Variants in CNBD1 observed in about 807,000 individuals in gnomAD.
CNBD1 encodes cyclic nucleotide binding domain containing 1.
A neutral mutation model predicts 54.4 loss-of-function variants in CNBD1; 71 were observed. The ratio of observed to expected loss-of-function variants is 1.30; its 90% CI spans 1.08 to 1.59. The LOEUF is 1.59. CNBD1 is among the 40% of genes most tolerant of loss of function. The probability of loss-of-function intolerance (pLI) is 0.00; values close to 1 mark genes in which losing one functional copy is unlikely to be tolerated. For missense variants in CNBD1, 659 were observed against 518.0 expected (o/e 1.27, Z -2.64); for synonymous variants, 182 against 170.7 (o/e 1.07, Z -0.51).
chr8:87,349,030 T>C (rs1348194601), intron 8 of CNBD1, among the ~76,000 whole-genome samples: 1 of 152,186 alleles, frequency 6.6e-6, no homozygotes, highest in Admixed American at 6.5e-5. Flanking sequence ...AAATATTACT[T>C]TTAACTACAA....
chr8:87,302,026 C>T (rs180912397), intron 8 of CNBD1, among the ~76,000 whole-genome samples: 1 of 152,056 alleles, frequency 6.6e-6, no homozygotes, highest in Admixed American at 6.6e-5. Flanking sequence ...AGTCCAGGAC[C>T]AGACGGATTC....
At chr8:87,212,652 G>C (rs1814124575) in intron 5 of CNBD1, among the ~76,000 whole-genome samples, 1 of 152,080 alleles carries the variant, frequency 6.6e-6, no homozygotes, top group African/African-American at 2.4e-5. Flanking sequence ...TAAATATCAA[G>C]ATGCTAAATA....
intron 8 of CNBD1, among the ~76,000 whole-genome samples, chr8:87,317,584 T>A (rs1809416698): frequency 6.6e-6 from 1 of 151,942 alleles, no homozygotes; most frequent in African/African-American, 2.4e-5. Context: ...GGCTTTGAAC[T>A]TAATTCCATT....
chr8:87,289,485 A>T (rs1808749935), intron 8 of CNBD1, among the ~76,000 whole-genome samples: 1 of 152,102 alleles, frequency 6.6e-6, no homozygotes, highest in Non-Finnish European at 1.5e-5. Context: ...ACCTGTTCCC[A>T]TGTGTATCAT....
At chr8:87,052,268 A>G (rs1457632551) in intron 4 of CNBD1, among the ~76,000 whole-genome samples, 1 of 152,152 alleles carries the variant, frequency 6.6e-6, no homozygotes, top group African/African-American at 2.4e-5. Context: ...GCCTGCTTCC[A>G]TAGCTTCCTT....
chr8:87,216,278 A>G (rs1814209677), intron 5 of CNBD1, among the ~76,000 whole-genome samples: 1 of 152,216 alleles, frequency 6.6e-6, no homozygotes, highest in Non-Finnish European at 1.5e-5. Context: ...AATCCACTAG[A>G]AATGGGTTAG....
intron 5 of CNBD1, among the ~76,000 whole-genome samples, chr8:87,207,607 T>G (rs1291111190): frequency 6.6e-6 from 1 of 152,152 alleles, no homozygotes; most frequent in Admixed American, 6.5e-5. Flanking sequence ...ATTAACTCTT[T>G]CTTCTACATA....
chr8:86,883,277 C>A (rs775396475), intron 1 of CNBD1, among the ~76,000 whole-genome samples: 24 of 151,898 alleles, frequency 1.6e-4, no homozygotes, highest in Admixed American at 6.6e-5. Flanking sequence ...TTTTATATGG[C>A]AAAATAAACA....
intron 4 of CNBD1, among the ~76,000 whole-genome samples, chr8:86,952,583 G>A (rs1026757145): frequency 6.6e-6 from 1 of 151,790 alleles, no homozygotes; most frequent in African/African-American, 2.4e-5. Context: ...ATATATATGT[G>A]TGTGTACCTA....
downstream of CNBD1, among the ~76,000 whole-genome samples, chr8:87,385,627 A>G (rs112851952): frequency 5.5e-3 from 831 of 152,246 alleles, 6 homozygotes; most frequent in African/African-American, 0.019. Context: ...GGGAAGCTGG[A>G]ACTGGGTGGG....
chr8:86,892,703 G>T (rs1295102132), intron 2 of CNBD1, among the ~76,000 whole-genome samples: 1 of 151,830 alleles, frequency 6.6e-6, no homozygotes, highest in Admixed American at 6.6e-5. Flanking sequence ...AGACAATTAT[G>T]ATGATTTTAA....
intron 4 of CNBD1, among the ~76,000 whole-genome samples, chr8:86,945,895 G>A (rs941428595): frequency 1.3e-5 from 2 of 152,218 alleles, no homozygotes; most frequent in African/African-American, 4.8e-5. Flanking sequence ...CAGCTAGATT[G>A]AAAGTTACAT....
intron 6 of CNBD1, among the ~76,000 whole-genome samples, chr8:87,242,142 A>G (rs1563520925): frequency 6.6e-6 from 1 of 152,190 alleles, no homozygotes; most frequent in Non-Finnish European, 1.5e-5. Context: ...GTAGCCATAA[A>G]ATGCCAACAT....
At chr8:87,308,473 A>G (rs1809201150) in intron 8 of CNBD1, among the ~76,000 whole-genome samples, 1 of 152,108 alleles carries the variant, frequency 6.6e-6, no homozygotes, top group Non-Finnish European at 1.5e-5. Context: ...ATGTTGATAT[A>G]TAATGTACAT....
intron 4 of CNBD1, among the ~76,000 whole-genome samples, chr8:87,010,840 A>G (rs1477027334): frequency 1.3e-5 from 2 of 152,174 alleles, no homozygotes; most frequent in African/African-American, 4.8e-5. Context: ...TTAAATTGAT[A>G]TCTGAAACTT....
At chr8:87,081,114 T>C (rs533613432) in intron 4 of CNBD1, among the ~76,000 whole-genome samples, 1 of 152,282 alleles carries the variant, frequency 6.6e-6, no homozygotes, top group African/African-American at 2.4e-5. Context: ...TTGGAACTTT[T>C]ATTGTTTTTT....
intron 2 of CNBD1, among the ~76,000 whole-genome samples, chr8:87,426,084 G>C (rs1188974052): frequency 6.6e-6 from 1 of 152,196 alleles, no homozygotes; most frequent in Admixed American, 6.5e-5. Flanking sequence ...GGATTCTCCA[G>C]GTGCCGTCCA....
At chr8:87,021,456 CCAAATTTGAA>C (rs1327397626) in intron 4 of CNBD1, among the ~76,000 whole-genome samples, 2 of 152,150 alleles carry the variant, frequency 1.3e-5, no homozygotes, top group Non-Finnish European at 2.9e-5. Flanking sequence ...AATCTTTCTT[CCAAATTTGAA>C]CTAATTTGAA....
chr8:87,134,594 CTTTTTTTTTT>C (rs1167232265), intron 4 of CNBD1, among the ~76,000 whole-genome samples: 4 of 86,964 alleles, frequency 4.6e-5, no homozygotes, highest in Non-Finnish European at 9.7e-5. Context: ...ATTAGATTAC[CTTTTTTTTTT>C]TTTTTTTTTT....
Sources: gnomAD v4.1 joint callset for allele counts (sites outside exome capture counted in the v4.1 genomes callset) on GRCh38, gnomAD v4.1.1 for gene constraint, MANE v1.5 for transcripts, NCBI Gene and HGNC (gene_info 2026-07-23, HGNC 2026-07-21) for gene names.